Variants in SIPA1L3 observed in about 807,000 individuals in gnomAD.
SIPA1L3 encodes signal induced proliferation associated 1 like 3.
SIPA1L3 carries 59 observed loss-of-function variants against 150.1 expected under a neutral mutation model. That is an observed-to-expected ratio of 0.39 (90% CI 0.32 to 0.49). The LOEUF is 0.49. Among genes scored for constraint, SIPA1L3 ranks in the 20% least tolerant of loss-of-function variants. SIPA1L3 has a pLI of 0.86. For missense variants in SIPA1L3, 2,211 were observed against 2,489.5 expected, an observed-to-expected ratio of 0.89 and a Z score of 2.38; for synonymous variants, 1,070 against 1,077.6, an observed-to-expected ratio of 0.99 and a Z score of 0.14.
chr19:37,936,566 T>G (rs2046602505), intron 1 of SIPA1L3, among the ~76,000 whole-genome samples: 1 of 152,226 alleles, frequency 6.6e-6, no homozygotes, highest in South Asian at 2.1e-4. Flanking sequence ...GTAGAGGAAC[T>G]GTTACGAATA....
At chr19:38,157,346 G>A (rs528631585) in intron 13 of SIPA1L3, among the ~76,000 whole-genome samples, 1 of 152,184 alleles carries the variant, frequency 6.6e-6, no homozygotes, top group Non-Finnish European at 1.5e-5. Flanking sequence ...GAACACAACA[G>A]GGTGGGCACT....
chr19:37,907,353 G>C lies in SIPA1L3; in HGVS notation c.-384G>C, dbSNP rs1047156236. 1.3e-5 allele frequency: 2 copies of C among 152,294 alleles called. No individual in the cohort carries two copies. The highest frequency in any genetic ancestry group is 2.9e-5 in the Non-Finnish European group (2 of 68,058). The allele number at this position is 152,294 out of a possible 1,614,324, so 9.4% of individuals were successfully genotyped here. Reference sequence around the variant, plus strand: ...GGCCCGCGAGGCGGGCAGCCGGGGCGTCCAGGTACGTGGCTCCGGGTGCAG... The same window carrying C: ...GGCCCGCGAGGCGGGCAGCCGGGGCCTCCAGGTACGTGGCTCCGGGTGCAG... On this transcript the variant is annotated 5_prime_UTR_variant, in exon 1 of 22. Transcript: ENST00000222345.
At chr19:37,944,316 T>G (rs2046689831) in intron 1 of SIPA1L3, among the ~76,000 whole-genome samples, 1 of 152,042 alleles carries the variant, frequency 6.6e-6, no homozygotes, top group South Asian at 2.1e-4. Context: ...CTTCATTGTC[T>G]TGACCTAGTG....
chr19:37,910,869 T>C (rs1011681452), intron 1 of SIPA1L3, among the ~76,000 whole-genome samples: 1 of 152,240 alleles, frequency 6.6e-6, no homozygotes, highest in Non-Finnish European at 1.5e-5. Flanking sequence ...GTGTTGAGAT[T>C]ACAGGCGTGA....
At position 38,162,307 on chromosome 19, in the gene SIPA1L3, G is replaced by A. The variant is rs1260451161; in HGVS notation, c.3716G>A (p.Ser1239Asn). Residue 1239 changes from serine (S) to asparagine (N), a missense_variant, in exon 14 of 22, where the codon AGC becomes AAC. This residue lies in a region of SIPA1L3 where 806 missense variants were observed against 870.1 expected (regional missense o/e 0.93). Coordinates refer to ENST00000222345, the MANE Select transcript of SIPA1L3 (RefSeq NM_015073.3). ...AGGCTCTCAGCCATAGCCGGAAGCA[G>A]CGGGAACAAGCACCCGTCCAGGCAG... Reference protein sequence around the residue: ...QARLSAIAGSSGNKHPSRQDA... With the variant: ...QARLSAIAGSNGNKHPSRQDA... 5 of 1,614,260 alleles carry A rather than the reference G, an allele frequency of 3.1e-6. No individual in the cohort carries two copies. The Admixed American group carries it at 6.7e-5, about 22-fold the overall frequency.
intron 8 of SIPA1L3, 152 bp downstream of exon 8, chr19:38,110,536 T>G (rs1600084784): frequency 3.6e-6 from 2 of 562,350 alleles, no homozygotes; most frequent in African/African-American, 1.9e-5. Context: ...CAGAGAGTGG[T>G]TTTTAGCCAG....
At position 38,193,387 on chromosome 19, in the gene SIPA1L3, G is replaced by T. The variant is rs1190564985; in HGVS notation, c.4597-150G>T. On this transcript the variant is annotated intron_variant, in intron 17 of 21. Transcript: ENST00000222345. Reference sequence around the variant, plus strand: ...AGGAGGGAGGGGGGAGGGAGGAAGGGAGGGAGGGAGGAAGGAAGGAAATGG... The same window carrying T: ...AGGAGGGAGGGGGGAGGGAGGAAGGTAGGGAGGGAGGAAGGAAGGAAATGG... 2.7e-5 allele frequency: 22 copies of T among 829,724 alleles called. No homozygotes were observed. The South Asian group carries it at 5.9e-4, about 22-fold the overall frequency. The allele number at this position is 829,724 out of a possible 1,614,324, so 51.4% of individuals were successfully genotyped here. A position where few individuals can be genotyped will look rare whatever the true frequency, so the allele number is the denominator to read the frequency against.
intron 18 of SIPA1L3, among the ~76,000 whole-genome samples, chr19:38,196,969 A>G (rs1972969189): frequency 6.6e-6 from 1 of 152,188 alleles, no homozygotes; most frequent in African/African-American, 2.4e-5. Flanking sequence ...CCCTGGGTTA[A>G]AAGAATCAAA....
At chr19:37,929,630 C>T (rs1016429620) in intron 1 of SIPA1L3, among the ~76,000 whole-genome samples, 1 of 152,134 alleles carries the variant, frequency 6.6e-6, no homozygotes, top group African/African-American at 2.4e-5. Flanking sequence ...CCCAGAAACA[C>T]CTGGGTCTCA....
intron 16 of SIPA1L3, chr19:38,185,141 C>T (rs960376119): frequency 2.0e-5 from 3 of 152,340 alleles, no homozygotes; most frequent in African/African-American, 7.2e-5. Flanking sequence ...CAAACAGGTC[C>T]TCCTGGCCTT....
intron 9 of SIPA1L3, among the ~76,000 whole-genome samples, chr19:38,125,106 G>A (rs1009156962): frequency 4.0e-5 from 6 of 151,070 alleles, no homozygotes; most frequent in African/African-American, 1.2e-4. Context: ...AGCGATCTCG[G>A]CTCACTGCAA....
intron 15 of SIPA1L3, among the ~76,000 whole-genome samples, chr19:38,177,454 C>G (rs1972461354): frequency 6.6e-6 from 1 of 151,812 alleles, no homozygotes; most frequent in African/African-American, 2.4e-5. Flanking sequence ...AGGAGGATAG[C>G]TTGAGCACAG....
At position 38,120,852 on chromosome 19, in the gene SIPA1L3, G is replaced by A. The variant is rs115858041; in HGVS notation, c.2868+970G>A. On this transcript the variant is annotated intron_variant, in intron 9 of 21. Coordinates refer to ENST00000222345, the MANE Select transcript of SIPA1L3 (RefSeq NM_015073.3). Reference sequence around the variant, plus strand: ...AACACTGTGGTCAGTGATTGCCTCTGCAGTGGGTTTGGCAGAACGCCGTGC... The same window carrying A: ...AACACTGTGGTCAGTGATTGCCTCTACAGTGGGTTTGGCAGAACGCCGTGC... Among the ~76,000 whole-genome samples, 896 of 152,378 alleles carry A rather than the reference G, an allele frequency of 5.9e-3. 9 individuals are homozygous for A. The highest frequency in any genetic ancestry group is 0.02 in the African/African-American group (842 of 41,588).
At chr19:38,034,032 T>TGG (rs1384520556) in intron 2 of SIPA1L3, among the ~76,000 whole-genome samples, 1 of 152,136 alleles carries the variant, frequency 6.6e-6, no homozygotes, top group East Asian at 1.9e-4. Context: ...CAGTGTTAGT[T>TGG]TGGTGGCTGG....
chr19:38,104,538 G>A (rs1291859993), intron 6 of SIPA1L3, among the ~76,000 whole-genome samples: 4 of 152,140 alleles, frequency 2.6e-5, no homozygotes, highest in Non-Finnish European at 2.9e-5. Flanking sequence ...CTGGCGTGGA[G>A]GAAGCTGGCA....
At chr19:37,996,207 C>T (rs1967635762) in intron 1 of SIPA1L3, among the ~76,000 whole-genome samples, 3 of 152,084 alleles carry the variant, frequency 2.0e-5, no homozygotes, top group East Asian at 1.9e-4. Flanking sequence ...GGATTATAGG[C>T]GTGAGCCAGC....
intron 1 of SIPA1L3, among the ~76,000 whole-genome samples, chr19:37,924,696 A>G (rs988055816): frequency 6.7e-6 from 1 of 149,250 alleles, no homozygotes; most frequent in Admixed American, 6.7e-5. Flanking sequence ...AAAAAAAAGT[A>G]TATATACTAA....
intron 2 of SIPA1L3, among the ~76,000 whole-genome samples, chr19:38,066,963 G>A (rs1320464815): frequency 6.6e-6 from 1 of 151,876 alleles, no homozygotes; most frequent in East Asian, 1.9e-4. Context: ...CAGAATGGAT[G>A]TGATGGCTCA....
At chr19:37,918,498 T>C (rs1310470187) in intron 1 of SIPA1L3, among the ~76,000 whole-genome samples, 2 of 151,884 alleles carry the variant, frequency 1.3e-5, no homozygotes, top group Non-Finnish European at 2.9e-5. Context: ...GACCTTGTGA[T>C]CCGCCTGCCT....
Sources: gnomAD v4.1 joint callset for allele counts (sites outside exome capture counted in the v4.1 genomes callset) on GRCh38, gnomAD v4.1.1 for gene constraint, gnomAD v4.1.1 regional missense constraint, MANE v1.5 for transcripts, NCBI Gene and HGNC (gene_info 2026-07-23, HGNC 2026-07-21) for gene names.